HS3ST5: variants seen among roughly 807,000 people sequenced by gnomAD.
HS3ST5 encodes heparan sulfate glucosamine 3-O-sulfotransferase 5.
A neutral mutation model predicts 25.4 loss-of-function variants in HS3ST5; 10 were observed. The observed-to-expected ratio is 0.39, with a 90% CI of 0.24 to 0.67. The LOEUF (loss-of-function observed/expected upper bound fraction) is 0.67, where lower values mean the gene tolerates loss of function less well. Among genes scored for constraint, HS3ST5 ranks in the 30% least tolerant of loss-of-function variants. The probability of loss-of-function intolerance (pLI) is 0.44; values close to 1 mark genes in which losing one functional copy is unlikely to be tolerated. For missense variants in HS3ST5, 324 were observed against 420.7 expected (o/e 0.77, Z 2.01); for synonymous variants, 170 against 162.4 (o/e 1.05, Z -0.36).
intron 3 of HS3ST5, among the ~76,000 whole-genome samples, chr6:114,125,760 T>C (rs1188242348): frequency 6.6e-6 from 1 of 152,208 alleles, no homozygotes; most frequent in South Asian, 2.1e-4. Context: ...GTCTCAAATA[T>C]ATCAACTTGA....
intron 3 of HS3ST5, among the ~76,000 whole-genome samples, chr6:114,092,833 A>T (rs1775202526): frequency 6.6e-6 from 1 of 151,558 alleles, no homozygotes. Flanking sequence ...ATACCACTAT[A>T]CCCTGCTAAT....
chr6:114,245,384 T>C (rs1209393316), intron 1 of HS3ST5, among the ~76,000 whole-genome samples: 1 of 152,154 alleles, frequency 6.6e-6, no homozygotes, highest in African/African-American at 2.4e-5. Flanking sequence ...AACATCTGGT[T>C]TTCCTATGTA....
intron 2 of HS3ST5, among the ~76,000 whole-genome samples, chr6:114,198,537 G>A (rs956791312): frequency 9.2e-5 from 14 of 152,170 alleles, no homozygotes; most frequent in African/African-American, 3.4e-4. Flanking sequence ...CAGAAAAATA[G>A]GGAATAGGTT....
At chr6:114,076,008 A>T (rs1422144647) in intron 3 of HS3ST5, among the ~76,000 whole-genome samples, 1 of 152,206 alleles carries the variant, frequency 6.6e-6, no homozygotes, top group Non-Finnish European at 1.5e-5. Context: ...AGATACACAC[A>T]CACACATGCC....
At chr6:114,136,027 C>T (rs147166148) in intron 3 of HS3ST5, among the ~76,000 whole-genome samples, 110 of 152,334 alleles carry the variant, frequency 7.2e-4, no homozygotes, top group Non-Finnish European at 9.4e-4. Context: ...AGAACACAGA[C>T]GGACACACAG....
At chr6:114,071,481 T>C (rs1407157407) in intron 3 of HS3ST5, among the ~76,000 whole-genome samples, 2 of 152,234 alleles carry the variant, frequency 1.3e-5, no homozygotes, top group African/African-American at 4.8e-5. Context: ...TTAAGCCATA[T>C]TGTAATTCTC....
intron 1 of HS3ST5, among the ~76,000 whole-genome samples, chr6:114,300,987 G>A (rs551047716): frequency 2.8e-4 from 43 of 152,288 alleles, no homozygotes; most frequent in African/African-American, 1.0e-3. Context: ...TAGTTGCCTA[G>A]AGCTAGTACG....
chr6:114,151,611 C>G (rs1778454182), intron 3 of HS3ST5, among the ~76,000 whole-genome samples: 1 of 152,134 alleles, frequency 6.6e-6, no homozygotes, highest in Admixed American at 6.5e-5. Flanking sequence ...AAATGGGATT[C>G]CAGTTGCCTA....
chr6:114,342,622 C>G lies in HS3ST5; in HGVS notation c.-766G>C, dbSNP rs900398640. The G allele has an allele frequency of 4.6e-5, 7 of 153,230 alleles. No homozygotes were observed. The Admixed American group carries it at 4.6e-4, about 10-fold the overall frequency. 9.5% of individuals were successfully genotyped at this position (153,230 alleles called of 1,614,324 possible). A position where few individuals can be genotyped will look rare whatever the true frequency, so the allele number is the denominator to read the frequency against. Reference sequence around the variant, plus strand: ...GCCGGAGTCCGCGCAGTGCCGGAGACCGCAGCCGCTCTGCGGGGGGAGGTG... The same window carrying G: ...GCCGGAGTCCGCGCAGTGCCGGAGAGCGCAGCCGCTCTGCGGGGGGAGGTG... On this transcript the variant is annotated 5_prime_UTR_variant, in exon 1 of 5. Coordinates refer to ENST00000312719, the MANE Select transcript of HS3ST5 (RefSeq NM_153612.4).
At position 114,123,220 on chromosome 6, in the gene HS3ST5, TG is replaced by T. The variant is rs757587445; in HGVS notation, c.-33+45130del. Among the ~76,000 whole-genome samples, 18 of 152,322 alleles carry T rather than the reference TG, an allele frequency of 1.2e-4. No homozygotes were observed. The East Asian group carries it at 3.1e-3, about 26-fold the overall frequency. On this transcript the variant is annotated intron_variant, in intron 3 of 4. Transcript: ENST00000312719. The stretch of plus-strand genomic sequence containing the variant: ...TGCCCACCTTGACCTCCCAAAGTGC[TG>T]GGATTACAGGCGTGAGCCATCGCGC...
rs796353937 is a variant in HS3ST5, at chr6:114,056,845, GA to G, written c.*411del. On this transcript the variant is annotated 3_prime_UTR_variant, in exon 5 of 5. Transcript: ENST00000312719. ...AATTAAAGAGCCAGCTTTCCCTTAG[GA>G]AAAAAAAAATGCATCACTGGATCCT... The G allele has an allele frequency of 3.1e-4, 48 of 152,910 alleles. No homozygotes were observed. The highest frequency in any genetic ancestry group is 4.3e-4 in the Non-Finnish European group (30 of 70,246). The allele number at this position is 152,910 out of a possible 1,614,324, so 9.5% of individuals were successfully genotyped here.
intron 1 of HS3ST5, among the ~76,000 whole-genome samples, chr6:114,268,128 G>T (rs988274162): frequency 1.2e-4 from 19 of 152,242 alleles, no homozygotes; most frequent in African/African-American, 4.6e-4. Context: ...TTGTGGCTTT[G>T]TCTGTCTGTG....
chr6:114,071,798 T>A (rs1472504667), intron 3 of HS3ST5, among the ~76,000 whole-genome samples: 2 of 152,232 alleles, frequency 1.3e-5, no homozygotes, highest in Non-Finnish European at 2.9e-5. Context: ...TACTCATATA[T>A]CCTTTGCCTA....
At chr6:114,066,649 A>AT (rs1732613220) in intron 3 of HS3ST5, among the ~76,000 whole-genome samples, 1 of 151,906 alleles carries the variant, frequency 6.6e-6, no homozygotes, top group Admixed American at 6.6e-5. Context: ...AAAAACAAAA[A>AT]TAAAAAAAAC....
At chr6:114,342,064 C>T (rs1365359445) in intron 1 of HS3ST5, 131 bp downstream of exon 1, 3 of 152,536 alleles carry the variant, frequency 2.0e-5, no homozygotes, top group African/African-American at 7.2e-5. Flanking sequence ...AGAACCGAAC[C>T]CCACAAAGTG....
At chr6:114,303,744 A>T (rs1268438084) in intron 1 of HS3ST5, among the ~76,000 whole-genome samples, 1 of 152,144 alleles carries the variant, frequency 6.6e-6, no homozygotes, top group African/African-American at 2.4e-5. Context: ...CTACTATAAC[A>T]CTGTCTACTT....
intron 1 of HS3ST5, among the ~76,000 whole-genome samples, chr6:114,329,446 C>T (rs142675254): frequency 8.1e-4 from 124 of 152,276 alleles, no homozygotes; most frequent in African/African-American, 2.6e-3. Flanking sequence ...CTTTGCTCCA[C>T]GGGATTGGCA....
intron 3 of HS3ST5, among the ~76,000 whole-genome samples, chr6:114,075,647 T>C (rs150328111): frequency 7.0e-4 from 106 of 152,304 alleles, no homozygotes; most frequent in African/African-American, 2.4e-3. Flanking sequence ...TGTGCCTGAT[T>C]CTGCAGCCAG....
chr6:114,212,407 C>A (rs536167879), intron 2 of HS3ST5, among the ~76,000 whole-genome samples: 1 of 152,138 alleles, frequency 6.6e-6, no homozygotes, highest in African/African-American at 2.4e-5. Context: ...ATGAGCACTC[C>A]TCCAATTTAT....
Sources: gnomAD v4.1 joint callset for allele counts (sites outside exome capture counted in the v4.1 genomes callset) on GRCh38, gnomAD v4.1.1 for gene constraint, MANE v1.5 for transcripts, NCBI Gene and HGNC (gene_info 2026-07-23, HGNC 2026-07-21) for gene names.